AMER3: variants seen among roughly 807,000 people sequenced by gnomAD.
AMER3 encodes the protein APC membrane recruitment protein 3.
For synonymous variants in AMER3, 541 were observed against 485.5 expected (o/e 1.11, Z -1.50); for missense variants, 1,201 against 1,139.4 (o/e 1.05, Z -0.78).
In AMER3 at chr2:130,764,821, T is replaced by C; in HGVS notation, c.*163T>C. ...AGGGTAGCATGTTCATGTGGAGGCA[T>C]CCTTGCCTGAACCCACCAGCTCAGG... is the stretch of plus-strand genomic sequence containing the variant. On this transcript the variant is annotated 3_prime_UTR_variant, in exon 2 of 2. Transcript: ENST00000321420. 1 of 949,708 alleles carries C rather than the reference T, an allele frequency of 1.1e-6. No homozygotes were observed. The highest frequency in any genetic ancestry group is 1.5e-6 in the Non-Finnish European group (1 of 645,584). 58.8% of individuals were successfully genotyped at this position (949,708 alleles called of 1,614,324 possible).
intron 1 of AMER3, chr2:130,756,029 C>T (rs1574037509): frequency 6.6e-6 from 1 of 152,310 alleles, no homozygotes; most frequent in East Asian, 1.9e-4. Context: ...CACCCAGAAA[C>T]AGAGACGGGG....
In AMER3 at chr2:130,763,797, A is replaced by G. The variant is rs1300884501; in HGVS notation, c.1725A>G (p.Thr575=). The change falls in exon 2 of 2, where the codon ACA becomes ACG. Residue 575 remains threonine, a synonymous_variant. Transcript: ENST00000321420. ...RQELWAHPGT[T]GLLAGESKAL... is the part of the protein sequence containing the mutation. Reference sequence around the variant, plus strand: ...AGCTGTGGGCACACCCGGGCACCACAGGCCTGCTCGCCGGAGAGAGCAAGG... The same window carrying G: ...AGCTGTGGGCACACCCGGGCACCACGGGCCTGCTCGCCGGAGAGAGCAAGG... 3.1e-6 allele frequency: 5 copies of G among 1,611,026 alleles called. No homozygotes were observed. Among genetic ancestry groups the G allele is most frequent in the Non-Finnish European group, 4.2e-6 (5 of 1,178,972 alleles).
rs376443283 is a variant in AMER3 at position 130,763,570 on chromosome 2, A to T, written c.1498A>T (p.Thr500Ser). 138 of 1,611,716 alleles carry T rather than the reference A, an allele frequency of 8.6e-5. No individual in the cohort carries two copies. Among genetic ancestry groups the T allele is most frequent in the Non-Finnish European group, 1.1e-4 (130 of 1,179,722 alleles). The stretch of plus-strand genomic sequence containing the variant: ...GGAGTGCCTGCTGAAGCTGTGTGAC[A>T]CTGAGCTCGCCATCACCATGGGCAT... ...GKECLLKLCD[T>S]ELAITMGIVS... The change falls in exon 2 of 2, where the codon ACT becomes TCT. Residue 500 changes from threonine to serine, a missense_variant. Thr to Ser is a moderately conservative substitution (Grantham distance 58). Coordinates refer to ENST00000321420, the MANE Select transcript of AMER3 (RefSeq NM_152698.3).
rs549315330 is a variant in AMER3, at chr2:130,757,314, A to G, written c.-20+1640A>G. Among the ~76,000 whole-genome samples the G allele has an allele frequency of 3.9e-5, 6 of 152,334 alleles. No homozygotes were observed. The South Asian group carries it at 1.2e-3, about 32-fold the overall frequency. ...GTGCCGTGTAAAACACTGTGATGGGAGGTGCACAGACAGAGGAGTCTCTGC... is the reference window on the plus strand; with the variant it reads ...GTGCCGTGTAAAACACTGTGATGGGGGGTGCACAGACAGAGGAGTCTCTGC... On this transcript the variant is annotated intron_variant, in intron 1 of 1. Transcript: ENST00000321420.
Position 130,764,544 on chromosome 2 carries a change from G to A in AMER3, c.2472G>A (p.Gly824=), listed in dbSNP as rs1414710065. The change falls in exon 2 of 2, where the codon GGG becomes GGA. Residue 824 remains glycine, a synonymous_variant. Coordinates refer to ENST00000321420, the MANE Select transcript of AMER3 (RefSeq NM_152698.3). The part of the protein sequence containing the change: ...GLTLNSQQEG[G]VSASAPECRC... ...CTTTGAACAGCCAGCAGGAAGGGGG[G>A]GTCTCTGCAAGTGCCCCAGAATGCC... 2 of 1,603,918 alleles carry A rather than the reference G, an allele frequency of 1.2e-6. No individual in the cohort carries two copies. The highest frequency in any genetic ancestry group is 1.7e-6 in the Non-Finnish European group (2 of 1,176,012).
rs772354715 is a variant in AMER3, at chr2:130,762,040, G to C, written c.-19-14G>C. 1.9e-6 allele frequency: 3 copies of C among 1,596,752 alleles called. No homozygotes were observed. The highest frequency in any genetic ancestry group is 2.6e-6 in the Non-Finnish European group (3 of 1,171,868). On this transcript the variant is annotated splice_polypyrimidine_tract_variant and intron_variant, in intron 1 of 1. Transcript: ENST00000321420. ...CCGTCTATGATACTGAGTGCCTCCT[G>C]CTTTCCTCCACAGCAGCTGGGGCAC...
rs1678827087 is a variant in AMER3, at chr2:130,762,637, G to T, written c.565G>T (p.Asp189Tyr). Residue 189 changes from aspartate to tyrosine, a missense_variant, in exon 2 of 2, where the codon GAC becomes TAC. Coordinates refer to ENST00000321420, the MANE Select transcript of AMER3 (RefSeq NM_152698.3). ...AEGKSLPSPG[D>Y]PSDPGGRRSK... is the part of the protein sequence containing the mutation. ...GGGGAAAAGCCTGCCCTCCCCAGGG[G>T]ACCCGTCAGACCCTGGGGGGCGGCG... The T allele has an allele frequency of 6.2e-7, 1 of 1,611,694 alleles. No homozygotes were observed. Among genetic ancestry groups the T allele is most frequent in the Non-Finnish European group, 8.5e-7 (1 of 1,179,874 alleles).
In AMER3 at chr2:130,762,790, T is replaced by G; in HGVS notation, c.718T>G (p.Ser240Ala). The change falls in exon 2 of 2, where the codon TCA becomes GCA. Residue 240 changes from serine (S) to alanine (A), a missense_variant. Ser to Ala is a moderately conservative substitution (Grantham distance 99, BLOSUM62 1). Transcript: ENST00000321420. ...LCRALCEDVA[S>A]LQSFDSLTGC... ...CAGGGCCCTGTGTGAGGACGTGGCC[T>G]CACTCCAGAGCTTCGACTCGCTCAC... 1 of 1,611,466 alleles carries G rather than the reference T, an allele frequency of 6.2e-7. No individual in the cohort carries two copies. Among genetic ancestry groups the G allele is most frequent in the Non-Finnish European group, 8.5e-7 (1 of 1,178,456 alleles).
Position 130,760,206 on chromosome 2 carries a change from G to A in AMER3, c.-19-1848G>A, listed in dbSNP as rs375344829. On this transcript the variant is annotated intron_variant, in intron 1 of 1. Coordinates refer to ENST00000321420, the MANE Select transcript of AMER3 (RefSeq NM_152698.3). ...GGTTCTGTGGCTCTCCTGGCATGGT[G>A]CCTACTTCTTCTCATCCTCCAACCA... 7.0e-4 allele frequency among the ~76,000 whole-genome samples: 106 copies of A among 152,348 alleles called. 2 individuals are homozygous for A. Among genetic ancestry groups the A allele is most frequent in the African/African-American group, 2.5e-3 (102 of 41,574 alleles).
Position 130,764,865 on chromosome 2 carries a change from A to G in AMER3, c.*207A>G, listed in dbSNP as rs1480854315. On this transcript the variant is annotated 3_prime_UTR_variant, in exon 2 of 2. Transcript: ENST00000321420. ...GCTCAGGCAGCCCACCGCCAAAGAC[A>G]GCGCGAAGCTGCAACCACCTAGCTG... is the stretch of plus-strand genomic sequence containing the variant. 2 of 647,388 alleles carry G rather than the reference A, an allele frequency of 3.1e-6. No homozygotes were observed. Among genetic ancestry groups the G allele is most frequent in the East Asian group, 2.8e-5 (1 of 35,506 alleles). 40.1% of individuals were successfully genotyped at this position (647,388 alleles called of 1,614,324 possible).
rs1679022272 is a variant in AMER3, at chr2:130,767,669, C to G, written c.*3011C>G. ...TGGAGCCACATCTGAGCCCTCCTCCCAAGACTCACACACAGGACCACAGCA... is the reference window on the plus strand; with the variant it reads ...TGGAGCCACATCTGAGCCCTCCTCCGAAGACTCACACACAGGACCACAGCA... On this transcript the variant is annotated 3_prime_UTR_variant, in exon 2 of 2. Coordinates refer to ENST00000321420, the MANE Select transcript of AMER3 (RefSeq NM_152698.3). The G allele has an allele frequency of 6.0e-6, 1 of 167,350 alleles. No individual in the cohort carries two copies. Among genetic ancestry groups the G allele is most frequent in the East Asian group, 1.9e-4 (1 of 5,188 alleles). The allele number at this position is 167,350 out of a possible 1,614,324, so 10.4% of individuals were successfully genotyped here.
chr2:130,757,429 G>T (rs184601616), intron 1 of AMER3, among the ~76,000 whole-genome samples: 1 of 150,826 alleles, frequency 6.6e-6, no homozygotes, highest in South Asian at 2.1e-4. Context: ...TTGAAAGTGA[G>T]AATTGGCCCG....
At chr2:130,757,540 C>T (rs1285239625) in intron 1 of AMER3, among the ~76,000 whole-genome samples, 1 of 152,202 alleles carries the variant, frequency 6.6e-6, no homozygotes, top group East Asian at 1.9e-4. Flanking sequence ...CATCTCCAGG[C>T]CTCATCCCTC....
chr2:130,766,835 C>T lies in AMER3; in HGVS notation c.*2177C>T, dbSNP rs186378846. The stretch of plus-strand genomic sequence containing the variant: ...TGCGCCCTGCCAGGGCTGGCGGGAC[C>T]CTCCCACCCTTGTTGATGGGCAGTG... On this transcript the variant is annotated 3_prime_UTR_variant, in exon 2 of 2. Coordinates refer to ENST00000321420, the MANE Select transcript of AMER3 (RefSeq NM_152698.3). The T allele has an allele frequency of 6.0e-6, 1 of 167,050 alleles. No homozygotes were observed. Among genetic ancestry groups the T allele is most frequent in the Non-Finnish European group, 1.5e-5 (1 of 68,152 alleles). 10.3% of individuals were successfully genotyped at this position (167,050 alleles called of 1,614,324 possible).
intron 1 of AMER3, among the ~76,000 whole-genome samples, chr2:130,757,788 T>TAGAGATGAAAGACTCAG (rs1337103643): frequency 3.9e-5 from 6 of 152,300 alleles, no homozygotes. Context: ...AAGTTCGTCT[T>TAGAGATGAAAGACTCAG]AGAGATGAAA....
Position 130,764,379 on chromosome 2 carries a change from T to C in AMER3, c.2307T>C (p.Ser769=). 2 of 1,612,748 alleles carry C rather than the reference T, an allele frequency of 1.2e-6. No individual in the cohort carries two copies. Among genetic ancestry groups the C allele is most frequent in the Non-Finnish European group, 8.5e-7 (1 of 1,179,688 alleles). The part of the protein sequence containing the change: ...PTGLGVQAWA[S]VEDQPLQLST... Reference sequence around the variant, plus strand: ...GGCTAGGTGTCCAGGCCTGGGCCTCTGTGGAGGACCAGCCCTTGCAGCTCA... The same window carrying C: ...GGCTAGGTGTCCAGGCCTGGGCCTCCGTGGAGGACCAGCCCTTGCAGCTCA... Residue 769 remains serine, a synonymous_variant, in exon 2 of 2, where the codon TCT becomes TCC. Coordinates refer to ENST00000321420, the MANE Select transcript of AMER3 (RefSeq NM_152698.3).
chr2:130,756,252 G>T (rs1678604580), intron 1 of AMER3: 1 of 148,204 alleles, frequency 6.7e-6, no homozygotes, highest in African/African-American at 2.4e-5. Flanking sequence ...GGGTGCGGGC[G>T]CCGGGCCTCC....
intron 1 of AMER3, among the ~76,000 whole-genome samples, chr2:130,759,980 C>T (rs115011873): frequency 0.014 from 2,186 of 152,298 alleles, 36 homozygotes; most frequent in Middle Eastern, 0.037. Context: ...CTGTGTGCAG[C>T]AAAGCCCAGC....
Position 130,768,122 on chromosome 2 carries a change from A to AGT in AMER3, c.*3467_*3468dup, listed in dbSNP as rs1332242147. 6.0e-6 allele frequency: 1 copy of AGT among 167,114 alleles called. No individual in the cohort carries two copies. The highest frequency in any genetic ancestry group is 1.9e-4 in the East Asian group (1 of 5,192). 10.4% of individuals were successfully genotyped at this position (167,114 alleles called of 1,614,324 possible). On this transcript the variant is annotated 3_prime_UTR_variant, in exon 2 of 2. Transcript: ENST00000321420. ...CTGTAAATCCTTGTTGAAAGAATGA[A>AGT]GTGTCAAAAGGTTGTGCGTGCTTTT...
Sources: gnomAD v4.1 joint callset for allele counts (sites outside exome capture counted in the v4.1 genomes callset) on GRCh38, gnomAD v4.1.1 for gene constraint, MANE v1.5 for transcripts, NCBI Gene and HGNC (gene_info 2026-07-23, HGNC 2026-07-21) for gene names.